CEBPZOS: variants seen among roughly 807,000 people sequenced by gnomAD.
CEBPZOS encodes protein CEBPZOS.
Under a neutral mutation model 4.8 loss-of-function variants are expected in CEBPZOS, and 10 were observed. The observed-to-expected ratio is 2.07, with a 90% CI of 1.28 to 3.52. The LOEUF (loss-of-function observed/expected upper bound fraction) is 3.52. Ranked by LOEUF, CEBPZOS falls within the 30% of genes most tolerant of loss-of-function variation. The probability of loss-of-function intolerance (pLI) is 0.00; values close to 1 mark genes in which losing one functional copy is unlikely to be tolerated. For missense variants in CEBPZOS, 98 were observed against 43.6 expected, an observed-to-expected ratio of 2.25 and a Z score of -3.51; for synonymous variants, 25 against 14.2, an observed-to-expected ratio of 1.77 and a Z score of -1.72.
At chr2:37,199,132 T>C (rs1340713796) in intron 1 of CEBPZOS, among the ~76,000 whole-genome samples, 1 of 150,108 alleles carries the variant, frequency 6.7e-6, no homozygotes. Flanking sequence ...TGGCACAGTT[T>C]AGTATATGTT....
At chr2:37,198,542 G>C (rs374482546) in intron 1 of CEBPZOS, 2 of 152,098 alleles carry the variant, frequency 1.3e-5, no homozygotes. Context: ...TGACAGCAGC[G>C]AGCTGGGATT....
chr2:37,212,883 A>C (rs1300708247), intron 4 of CEBPZOS, among the ~76,000 whole-genome samples: 2 of 151,300 alleles, frequency 1.3e-5, no homozygotes, highest in South Asian at 2.1e-4. Flanking sequence ...AAAAAACAAA[A>C]AAAAAACGAG....
intron 1 of CEBPZOS, among the ~76,000 whole-genome samples, chr2:37,197,810 G>A (rs149057961): frequency 5.3e-5 from 8 of 152,230 alleles, no homozygotes; most frequent in Non-Finnish European, 2.9e-5. Context: ...AGGTTGCAGT[G>A]AGCCAGGATC....
Position 37,201,821 on chromosome 2 carries a change from T to G in CEBPZOS, c.*3-42T>G, listed in dbSNP as rs1480862603. On this transcript the variant is annotated intron_variant, in intron 4 of 4. Transcript: ENST00000402297. Reference sequence around the variant, plus strand: ...TTTTAATCCTCTTCTTTTTAAAATGTTTCTTTTTCTTGATGATACTTTTTG... The same window carrying G: ...TTTTAATCCTCTTCTTTTTAAAATGGTTCTTTTTCTTGATGATACTTTTTG... 3.8e-6 allele frequency: 6 copies of G among 1,598,804 alleles called. No homozygotes were observed. Among genetic ancestry groups the G allele is most frequent in the African/African-American group, 1.3e-5 (1 of 74,662 alleles).
At chr2:37,205,592 C>T (rs1328432034), downstream of CEBPZOS, among the ~76,000 whole-genome samples, 1 of 152,202 alleles carries the variant, frequency 6.6e-6, no homozygotes, top group African/African-American at 2.4e-5. Flanking sequence ...CCTTGTTGCT[C>T]ATGCAAAGCC....
chr2:37,210,029 C>T (rs1316208726), intron 4 of CEBPZOS: 1 of 152,124 alleles, frequency 6.6e-6, no homozygotes, highest in East Asian at 1.9e-4. Flanking sequence ...AAGAAATGCT[C>T]AACATCCCTG....
At chr2:37,212,260 G>T in intron 4 of CEBPZOS, 2 of 1,303,664 alleles carry the variant, frequency 1.5e-6, no homozygotes, top group Non-Finnish European at 2.2e-6. Context: ...ATATAGTTCT[G>T]TGGTCTACTG....
rs1676945008 is a variant in CEBPZOS at position 37,196,532 on chromosome 2, G to A, written c.-2+12G>A. 6.6e-6 allele frequency: 1 copy of A among 152,272 alleles called. No individual in the cohort carries two copies. The highest frequency in any genetic ancestry group is 2.4e-5 in the African/African-American group (1 of 41,454). 9.4% of individuals were successfully genotyped at this position (152,272 alleles called of 1,614,324 possible). Reference sequence around the variant, plus strand: ...TGAACGCACCTCAGGTAAGACTCTGGCGAGTGGCTTCCCATGGGCGGTCGG... The same window carrying A: ...TGAACGCACCTCAGGTAAGACTCTGACGAGTGGCTTCCCATGGGCGGTCGG... On this transcript the variant is annotated intron_variant, in intron 1 of 4. Coordinates refer to ENST00000402297, the MANE Select transcript of CEBPZOS (RefSeq NM_001322374.2).
Position 37,201,712 on chromosome 2 carries a change from C to G in CEBPZOS, c.231C>G (p.Asn77Lys), listed in dbSNP as rs1425576505. Residue 77 changes from asparagine (N) to lysine (K), a missense_variant, in exon 4 of 5, where the codon AAC (asparagine) becomes AAG (lysine). Physicochemically the swap from Asn to Lys is moderately conservative, Grantham distance 94 (BLOSUM62 0). Transcript: ENST00000402297. ...AGCTAGATCAAAAAACATGGTTGAA[C>G]AGCAAAAATTAGATGTAAGTAGAAT... ...IRELDQKTWL[N>K]SKN 2.7e-6 allele frequency: 3 copies of G among 1,104,048 alleles called. No individual in the cohort carries two copies. Among genetic ancestry groups the G allele is most frequent in the Non-Finnish European group, 4.1e-6 (3 of 737,670 alleles). 68.4% of individuals were successfully genotyped at this position (1,104,048 alleles called of 1,614,324 possible).
chr2:37,207,945 A>T (rs1677594065), downstream of CEBPZOS, among the ~76,000 whole-genome samples: 1 of 152,186 alleles, frequency 6.6e-6, no homozygotes, highest in Non-Finnish European at 1.5e-5. Flanking sequence ...GAATAAGCTC[A>T]ATTAGAGACG....
Position 37,202,631 on chromosome 2 carries a change from T to G in CEBPZOS, c.*771T>G. 1 of 451,796 alleles carries G rather than the reference T, an allele frequency of 2.2e-6. No individual in the cohort carries two copies. Among genetic ancestry groups the G allele is most frequent in the Non-Finnish European group, 3.6e-6 (1 of 274,546 alleles). The allele number at this position is 451,796 out of a possible 1,614,324, so 28.0% of individuals were successfully genotyped here. A position where few individuals can be genotyped will look rare whatever the true frequency, so the allele number is the denominator to read the frequency against. ...CTGCATTCCAACCTGGGCAAGGGAG[T>G]GAGACGCTGTCTCAAAAAAAAAAAA... On this transcript the variant is annotated 3_prime_UTR_variant, in exon 5 of 5. Coordinates refer to ENST00000402297, the MANE Select transcript of CEBPZOS (RefSeq NM_001322374.2).
At chr2:37,201,198 T>C (rs1182738765) in intron 3 of CEBPZOS, 106 bp downstream of exon 3, 3 of 638,486 alleles carry the variant, frequency 4.7e-6, no homozygotes, top group Non-Finnish European at 8.5e-6. Flanking sequence ...ACTATTCACA[T>C]GTATTTTAGT....
intron 4 of CEBPZOS, chr2:37,211,124 A>ATT (rs1421780201): frequency 7.6e-6 from 10 of 1,310,470 alleles, no homozygotes; most frequent in Non-Finnish European, 1.1e-5. Context: ...TTTAAAAACA[A>ATT]TAAGACTGGA....
In CEBPZOS at chr2:37,202,641, T is replaced by C. The variant is rs1677313850; in HGVS notation, c.*781T>C. 2 of 346,294 alleles carry C rather than the reference T, an allele frequency of 5.8e-6. No homozygotes were observed. The highest frequency in any genetic ancestry group is 8.1e-5 in the Admixed American group (1 of 12,376). 21.5% of individuals were successfully genotyped at this position (346,294 alleles called of 1,614,324 possible). ...ACCTGGGCAAGGGAGTGAGACGCTG[T>C]CTCAAAAAAAAAAAAAAAAAAAAAA... On this transcript the variant is annotated 3_prime_UTR_variant, in exon 5 of 5. Transcript: ENST00000402297.
At chr2:37,215,060 A>T, downstream of CEBPZOS, 11 of 729,572 alleles carry the variant, frequency 1.5e-5, no homozygotes, top group Admixed American at 2.4e-5. Flanking sequence ...AAATCTCAGA[A>T]TTGTGTGGGA....
intron 2 of CEBPZOS, 89 bp downstream of exon 2, chr2:37,199,908 G>C: frequency 1.5e-6 from 1 of 645,692 alleles, no homozygotes; most frequent in Non-Finnish European, 2.9e-6. Flanking sequence ...CATGTTTGGA[G>C]AAATTGGTTC....
At chr2:37,197,205 T>TGTCTCCCTTGCCGC (rs976418883) in intron 1 of CEBPZOS, 6 of 152,470 alleles carry the variant, frequency 3.9e-5, no homozygotes, top group African/African-American at 1.4e-4. Context: ...TGGTCTGCCG[T>TGTCTCCCTTGCCGC]GTCTCCCTTG....
At position 37,203,989 on chromosome 2, in the gene CEBPZOS, C is replaced by T. The variant is rs1301517838; in HGVS notation, c.*2129C>T. ...TTGGCATTAATAGTGCTGCTGTGAA[C>T]AATCATGTACAAGTCTTTGTATCAG... is the stretch of plus-strand genomic sequence containing the variant. On this transcript the variant is annotated 3_prime_UTR_variant, in exon 5 of 5. Coordinates refer to ENST00000402297, the MANE Select transcript of CEBPZOS (RefSeq NM_001322374.2). 1 of 152,146 alleles carries T rather than the reference C, an allele frequency of 6.6e-6. No individual in the cohort carries two copies. Among genetic ancestry groups the T allele is most frequent in the Non-Finnish European group, 1.5e-5 (1 of 68,024 alleles). The allele number at this position is 152,146 out of a possible 1,614,324, so 9.4% of individuals were successfully genotyped here. A position where few individuals can be genotyped will look rare whatever the true frequency, so the allele number is the denominator to read the frequency against.
chr2:37,208,232 G>A (rs1484316797), downstream of CEBPZOS, among the ~76,000 whole-genome samples: 1 of 152,104 alleles, frequency 6.6e-6, no homozygotes, highest in Non-Finnish European at 1.5e-5. Context: ...CAAAGAACTG[G>A]TACCAATCCT....
Sources: gnomAD v4.1 joint callset for allele counts (sites outside exome capture counted in the v4.1 genomes callset) on GRCh38, gnomAD v4.1.1 for gene constraint, MANE v1.5 for transcripts, NCBI Gene and HGNC (gene_info 2026-07-23, HGNC 2026-07-21) for gene names.